Variants in SLC2A9 observed in about 807,000 individuals in gnomAD.
The protein encoded by SLC2A9 is solute carrier family 2, facilitated glucose transporter member 9.
A neutral mutation model predicts 50.6 loss-of-function variants in SLC2A9; 39 were observed. The ratio of observed to expected loss-of-function variants is 0.77; its 90% CI spans 0.60 to 1.01. The LOEUF is 1.01. SLC2A9 is among the 50% of genes least tolerant of loss of function. The pLI is 0.00. For missense variants in SLC2A9, 686 were observed against 677.6 expected (o/e 1.01, Z -0.14); for synonymous variants, 324 against 276.9 (o/e 1.17, Z -1.69).
chr4:9,843,161 A>C (rs1287346322), intron 10 of SLC2A9, among the ~76,000 whole-genome samples: 1 of 152,106 alleles, frequency 6.6e-6, no homozygotes, highest in Admixed American at 6.5e-5. Context: ...GTCCTCAAGC[A>C]AAAAGCCACA....
At chr4:9,851,048 C>T (rs977511691) in intron 10 of SLC2A9, among the ~76,000 whole-genome samples, 11 of 151,990 alleles carry the variant, frequency 7.2e-5, no homozygotes, top group African/African-American at 2.4e-4. Context: ...AACACCACCA[C>T]CCAACTCCTG....
intron 10 of SLC2A9, among the ~76,000 whole-genome samples, chr4:9,873,044 A>G (rs1733709646): frequency 2.0e-5 from 3 of 152,224 alleles, no homozygotes; most frequent in Admixed American, 6.5e-5. Flanking sequence ...AAGGTCTTCA[A>G]CATTCCCCTA....
intron 10 of SLC2A9, among the ~76,000 whole-genome samples, chr4:9,857,359 C>T (rs1012193890): frequency 1.3e-5 from 2 of 152,150 alleles, no homozygotes; most frequent in Admixed American, 1.3e-4. Flanking sequence ...AAGATAGAGC[C>T]CGGAAGGAGC....
chr4:10,027,722 T>A (rs1264377507), intron 1 of SLC2A9, among the ~76,000 whole-genome samples: 1 of 152,100 alleles, frequency 6.6e-6, no homozygotes, highest in Non-Finnish European at 1.5e-5. Context: ...CAGGCATTTT[T>A]TTTTTATTGA....
intron 3 of SLC2A9, among the ~76,000 whole-genome samples, 160 bp from the exon 4 acceptor site, chr4:9,985,953 C>T (rs1337370977): frequency 6.6e-6 from 1 of 152,226 alleles, no homozygotes; most frequent in African/African-American, 2.4e-5. Context: ...GGCTGTGTGA[C>T]TGGGTTCAGC....
In SLC2A9 at chr4:9,996,828, T is replaced by G. The variant is rs771894312; in HGVS notation, c.363A>C (p.Gly121=). Residue 121 remains glycine, a synonymous_variant, in exon 3 of 12, where the codon GGA becomes GGC. Coordinates refer to ENST00000264784, the MANE Select transcript of SLC2A9 (RefSeq NM_020041.3). ...SVTVSIFAIG[G]LVGTLIVKMI... is the part of the protein sequence containing the mutation. ...TCTTCACAATTAACGTCCCCACAAG[T>G]CCACCGATGGCGAATATGGACACAG... 48 of 1,614,012 alleles carry G rather than the reference T, an allele frequency of 3.0e-5. No individual in the cohort carries two copies. Among genetic ancestry groups the G allele is most frequent in the Non-Finnish European group, 4.0e-5 (47 of 1,180,014 alleles).
In SLC2A9 at chr4:9,920,416, A is replaced by G. The variant is rs1218444872; in HGVS notation, c.971T>C (p.Met324Thr). ...RWQVVTVIVT[M>T]ACYQLCGLNA... is the part of the protein sequence containing the mutation. ...GAGGCCACAGAGCTGGTAGCAGGCC[A>G]TGGTGACAATCACGGTGACCACCTG... Residue 324 changes from methionine (M) to threonine (T), a missense_variant, in exon 7 of 12, where the codon ATG becomes ACG. Physicochemically the swap from Met to Thr is moderately conservative, Grantham distance 81 (BLOSUM62 -1). Transcript: ENST00000264784. 6.2e-7 allele frequency: 1 copy of G among 1,614,056 alleles called. No individual in the cohort carries two copies. Among genetic ancestry groups the G allele is most frequent in the Admixed American group, 1.7e-5 (1 of 59,994 alleles).
chr4:9,775,345 A>G (rs1237042626), downstream of SLC2A9, among the ~76,000 whole-genome samples: 1 of 152,148 alleles, frequency 6.6e-6, no homozygotes, highest in African/African-American at 2.4e-5. Flanking sequence ...CTCAGCCCCC[A>G]TGCAGCATCA....
downstream of SLC2A9, among the ~76,000 whole-genome samples, chr4:9,778,864 G>C (rs1717924730): frequency 6.6e-6 from 1 of 151,698 alleles, no homozygotes; most frequent in African/African-American, 2.4e-5. Flanking sequence ...CTGTCACCCA[G>C]GCTGGAGTGC....
chr4:9,818,838 T>C (rs998634278), intron 3 of SLC2A9, among the ~76,000 whole-genome samples: 1 of 152,124 alleles, frequency 6.6e-6, no homozygotes, highest in African/African-American at 2.4e-5. Context: ...TATACAGGTC[T>C]TGGGCTGGGT....
chr4:10,023,334 C>T (rs1327448432), upstream of SLC2A9, among the ~76,000 whole-genome samples: 2 of 152,178 alleles, frequency 1.3e-5, no homozygotes, highest in Non-Finnish European at 2.9e-5. Context: ...ATGGAGGGCC[C>T]CTCTGCCCCT....
intron 3 of SLC2A9, among the ~76,000 whole-genome samples, chr4:9,987,227 C>A (rs1293948811): frequency 6.6e-6 from 1 of 152,192 alleles, no homozygotes; most frequent in Non-Finnish European, 1.5e-5. Context: ...TCAAGTGATT[C>A]TCCTCCCTCA....
chr4:9,820,128 G>A (rs12643296), intron 3 of SLC2A9, among the ~76,000 whole-genome samples: 15,031 of 152,120 alleles, frequency 0.099, 805 homozygotes, highest in Non-Finnish European at 0.1. Flanking sequence ...ATTATATTTA[G>A]GGTTATGATT....
intron 5 of SLC2A9, among the ~76,000 whole-genome samples, chr4:9,977,203 C>T (rs933276132): frequency 1.3e-5 from 2 of 152,196 alleles, no homozygotes; most frequent in Non-Finnish European, 2.9e-5. Flanking sequence ...ACAAATAAGC[C>T]TTCACAGTTA....
intron 2 of SLC2A9, among the ~76,000 whole-genome samples, chr4:10,016,154 A>T (rs1361161941): frequency 3.9e-5 from 6 of 152,240 alleles, no homozygotes; most frequent in African/African-American, 1.4e-4. Context: ...CTTGCTGCGC[A>T]TACTGGCCAC....
intron 10 of SLC2A9, among the ~76,000 whole-genome samples, chr4:9,852,414 G>A (rs188796369): frequency 0.17 from 25,322 of 151,508 alleles, 2,215 homozygotes; most frequent in Admixed American, 0.24. Flanking sequence ...CACCGCGCCC[G>A]GCTAATTTTT....
At chr4:9,980,792 A>T in intron 4 of SLC2A9, 55 bp from the exon 5 acceptor site, 2 of 1,611,674 alleles carry the variant, frequency 1.2e-6, no homozygotes, top group Non-Finnish European at 1.7e-6. Context: ...GGGGAGCTGC[A>T]CTCTGGTTAC....
At chr4:9,974,010 T>C (rs1411111153) in intron 5 of SLC2A9, among the ~76,000 whole-genome samples, 1 of 152,158 alleles carries the variant, frequency 6.6e-6, no homozygotes, top group Non-Finnish European at 1.5e-5. Context: ...GATGCAAGGT[T>C]AGTTTAACAT....
chr4:9,842,338 A>T (rs928257519), intron 10 of SLC2A9, among the ~76,000 whole-genome samples: 2 of 152,204 alleles, frequency 1.3e-5, no homozygotes, highest in Non-Finnish European at 2.9e-5. Context: ...GGTGAAAACA[A>T]TCCCTTCTTA....
Sources: allele counts gnomAD v4.1 joint callset (sites outside exome capture counted in the v4.1 genomes callset), GRCh38; gene constraint gnomAD v4.1.1; transcripts MANE v1.5; gene names NCBI Gene and HGNC (gene_info 2026-07-23, HGNC 2026-07-21).